The following REV3L variants were observed in gnomAD, a reference collection of about 807,000 sequenced individuals.
The protein encoded by REV3L is DNA polymerase zeta catalytic subunit.
A neutral mutation model predicts 299.4 loss-of-function variants in REV3L; 69 were observed. The ratio of observed to expected loss-of-function variants is 0.23; its 90% confidence interval spans 0.19 to 0.28. REV3L has a LOEUF of 0.28. REV3L is among the 10% of genes least tolerant of loss of function. The probability of loss-of-function intolerance (pLI) is 1.00; values close to 1 mark genes in which losing one functional copy is unlikely to be tolerated. For missense variants in REV3L, 3,128 were observed against 3,693.8 expected (o/e 0.85, Z 3.97); for synonymous variants, 1,238 against 1,271.4 (o/e 0.97, Z 0.56).
chr6:111,344,193 C>T, intron 20 of REV3L, 150 bp from the exon 21 acceptor site: 1 of 588,284 alleles, frequency 1.7e-6, no homozygotes, highest in East Asian at 2.8e-5. Flanking sequence ...AATCATAATT[C>T]AAAACTATGT....
intron 1 of REV3L, among the ~76,000 whole-genome samples, chr6:111,479,939 A>ATTT (rs1583155372): frequency 6.6e-6 from 1 of 152,288 alleles, no homozygotes; most frequent in Non-Finnish European, 1.5e-5. Flanking sequence ...AACAATCAAA[A>ATTT]GTCAACTGGA....
At chr6:111,400,805 C>T (rs1783010611) in intron 4 of REV3L, among the ~76,000 whole-genome samples, 1 of 152,026 alleles carries the variant, frequency 6.6e-6, no homozygotes, top group African/African-American at 2.4e-5. Flanking sequence ...GGTACATTTT[C>T]CCTTATTTTC....
At chr6:111,316,867 A>G (rs1215435299) in intron 26 of REV3L, among the ~76,000 whole-genome samples, 2 of 152,226 alleles carry the variant, frequency 1.3e-5, no homozygotes. Context: ...TTGGTAATGA[A>G]TAATATTGAA....
At chr6:111,398,206 G>A (rs1782730109) in intron 4 of REV3L, among the ~76,000 whole-genome samples, 1 of 151,870 alleles carries the variant, frequency 6.6e-6, no homozygotes, top group African/African-American at 2.4e-5. Flanking sequence ...CATGTTCAGA[G>A]AAACTTCTCT....
rs1363406140 is a variant in REV3L, at chr6:111,324,868, T to G, written c.8242-2190A>C. On this transcript the variant is annotated intron_variant, in intron 25 of 31. Coordinates refer to ENST00000368802, the MANE Select transcript of REV3L (RefSeq NM_001372078.1). ...CATGATTGGGGATGCTCAAAAGTCT[T>G]TTTTTTTTTTTGAGATGGAGTCTCA... 0.013 allele frequency among the ~76,000 whole-genome samples: 27 copies of G among 2,068 alleles called. No homozygotes were observed. The Admixed American group carries it at 0.17, about 13-fold the overall frequency. The allele number at this position is 2,068 out of a possible 152,430, so 1.4% of individuals were successfully genotyped here. A position where few individuals can be genotyped will look rare whatever the true frequency, so the allele number is the denominator to read the frequency against.
chr6:111,453,483 T>C (rs1789794308), intron 1 of REV3L, among the ~76,000 whole-genome samples: 1 of 152,172 alleles, frequency 6.6e-6, no homozygotes, highest in Non-Finnish European at 1.5e-5. Context: ...TGTTCCCCAG[T>C]CATCCTGGAC....
chr6:111,356,224 A>G (rs1778075726), intron 18 of REV3L, among the ~76,000 whole-genome samples: 1 of 152,186 alleles, frequency 6.6e-6, no homozygotes, highest in South Asian at 2.1e-4. Flanking sequence ...AATGTCTTCT[A>G]TCTTGCTTTA....
intron 18 of REV3L, among the ~76,000 whole-genome samples, chr6:111,353,208 G>C (rs1777755747): frequency 1.3e-5 from 2 of 152,120 alleles, no homozygotes; most frequent in East Asian, 1.9e-4. Flanking sequence ...TGGCTACTCT[G>C]CAAGTCTGGC....
rs375945468 is a variant in REV3L at position 111,409,755 on chromosome 6, T to C, written c.404+1725A>G. ...GAAGTTGAAAACCATGAATTTACAG[T>C]GGCACCAGTGTGTAATTTTTTTTTA... On this transcript the variant is annotated intron_variant, in intron 3 of 31. Coordinates refer to ENST00000368802, the MANE Select transcript of REV3L (RefSeq NM_001372078.1). Among the ~76,000 whole-genome samples, 16 of 152,134 alleles carry C rather than the reference T, an allele frequency of 1.1e-4. No individual in the cohort carries two copies. In the East Asian group the frequency reaches 1.7e-3, roughly 16 times the overall value.
In REV3L at chr6:111,335,594, G is replaced by A. The variant is rs756623380; in HGVS notation, c.7555C>T (p.His2519Tyr). Residue 2519 changes from histidine (H) to tyrosine (Y), a missense_variant, in exon 22 of 32, where the codon CAT becomes TAT. His to Tyr is a moderately conservative substitution (Grantham distance 83). Around this residue, in one of 9 missense-constraint regions of REV3L, gnomAD observed 149 missense variants for 286.4 expected, o/e 0.52. Transcript: ENST00000368802. ...TTTCCACGGACACGGCTAACATAAT[G>A]ATCAACCATTTTCCATCTGTTAAAA... is the stretch of plus-strand genomic sequence containing the variant. ...TDLYRWKMVD[H>Y]YVSRVRGNLQ... The A allele has an allele frequency of 1.2e-6, 2 of 1,608,956 alleles. No individual in the cohort carries two copies. The highest frequency in any genetic ancestry group is 4.5e-5 in the East Asian group (2 of 44,484).
Position 111,315,364 on chromosome 6 carries a change from T to C in REV3L, c.8369A>G (p.Lys2790Arg). ...AAAAGACTGCTCCTTAGTGGCTCCT[T>C]TCAGTAGCACAAACATACTAAGGGG... ...GDTDSMFVLL[K>R]GATKEQSFKI... Residue 2790 changes from lysine to arginine, a missense_variant, in exon 27 of 32, where the codon AAA (lysine) becomes AGA (arginine). Transcript: ENST00000368802. 1.2e-6 allele frequency: 2 copies of C among 1,613,850 alleles called. No individual in the cohort carries two copies. Among genetic ancestry groups the C allele is most frequent in the Non-Finnish European group, 1.7e-6 (2 of 1,179,840 alleles).
chr6:111,350,324 A>C (rs1357750686), intron 19 of REV3L, among the ~76,000 whole-genome samples: 1 of 152,182 alleles, frequency 6.6e-6, no homozygotes, highest in East Asian at 1.9e-4. Flanking sequence ...AATGTTTAAA[A>C]GTTTGTTTTT....
intron 1 of REV3L, among the ~76,000 whole-genome samples, chr6:111,456,637 T>C (rs558986666): frequency 6.6e-6 from 1 of 152,298 alleles, no homozygotes; most frequent in African/African-American, 2.4e-5. Flanking sequence ...TAAAAATGCA[T>C]ATAACTAGTT....
intron 12 of REV3L, among the ~76,000 whole-genome samples, chr6:111,377,183 T>A (rs1000421924): frequency 4.6e-5 from 7 of 152,166 alleles, no homozygotes; most frequent in African/African-American, 1.2e-4. Context: ...CTTTTAGAAA[T>A]GAGAAGCAAA....
chr6:111,385,672 T>A (rs1781276078), intron 9 of REV3L, among the ~76,000 whole-genome samples: 2 of 152,088 alleles, frequency 1.3e-5, no homozygotes, highest in Non-Finnish European at 2.9e-5. Flanking sequence ...TTTTGAAGAT[T>A]TTTATAAGAT....
In REV3L at chr6:111,374,174, A is replaced by C. The variant is rs1780070301; in HGVS notation, c.4181T>G (p.Leu1394Trp). The C allele has an allele frequency of 3.1e-6, 5 of 1,613,944 alleles. No individual in the cohort carries two copies. In the Admixed American group the frequency reaches 8.3e-5, roughly 27 times the overall value. ...DNANNIQRNYLSSIGKLSEYR... is the reference protein window; with the variant it reads ...DNANNIQRNYWSSIGKLSEYR... ...TTCACTTAACTTTCCGATTGATGAC[A>C]AATAGTTTCTTTGTATATTATTTGC... The change falls in exon 13 of 32, where the codon TTG becomes TGG. Residue 1394 changes from leucine to tryptophan, a missense_variant. Physicochemically the swap from Leu to Trp is moderately conservative, Grantham distance 61 (BLOSUM62 -2). Coordinates refer to ENST00000368802, the MANE Select transcript of REV3L (RefSeq NM_001372078.1).
At chr6:111,439,961 C>G (rs1166814679) in intron 1 of REV3L, among the ~76,000 whole-genome samples, 2 of 152,216 alleles carry the variant, frequency 1.3e-5, no homozygotes, top group African/African-American at 4.8e-5. Flanking sequence ...TGCCAGTGGA[C>G]TATGATTTCT....
intron 1 of REV3L, among the ~76,000 whole-genome samples, chr6:111,480,464 G>A (rs1407896908): frequency 6.6e-6 from 1 of 152,014 alleles, no homozygotes; most frequent in African/African-American, 2.4e-5. Flanking sequence ...TTTCCTTGGG[G>A]AGATAATTCA....
intron 21 of REV3L, among the ~76,000 whole-genome samples, chr6:111,343,274 C>T (rs187723497): frequency 1.6e-3 from 247 of 152,224 alleles, no homozygotes; most frequent in African/African-American, 5.5e-3. Flanking sequence ...GAAATACATA[C>T]TATGTTTTCT....
Sources: gnomAD v4.1 joint callset for allele counts (sites outside exome capture counted in the v4.1 genomes callset) on GRCh38, gnomAD v4.1.1 for gene constraint, gnomAD v4.1.1 regional missense constraint, MANE v1.5 for transcripts, NCBI Gene and HGNC (gene_info 2026-07-23, HGNC 2026-07-21) for gene names.